The following CTNNA2 variants were observed in gnomAD, a reference collection of about 807,000 sequenced individuals.
CTNNA2 encodes catenin alpha-2.
A neutral mutation model predicts 101.0 loss-of-function variants in CTNNA2; 42 were observed. The observed-to-expected ratio is 0.42, with a 90% CI of 0.32 to 0.54. CTNNA2 has a LOEUF of 0.54. Ranked by LOEUF, CTNNA2 falls within the 20% of genes least tolerant of loss-of-function variation. The pLI is 0.14. For synonymous variants in CTNNA2, 450 were observed against 456.4 expected, an observed-to-expected ratio of 0.99 and a Z score of 0.18; for missense variants, 871 against 1,223.1, an observed-to-expected ratio of 0.71 and a Z score of 4.29.
chr2:80,232,341 G>GTTTTTGTTTGTT (rs1286822049), intron 7 of CTNNA2, among the ~76,000 whole-genome samples: 1 of 82,062 alleles, frequency 1.2e-5, no homozygotes, highest in Non-Finnish European at 2.9e-5. Flanking sequence ...TTGTTTGTTT[G>GTTTTTGTTTGTT]TTTGTTTTTT....
intron 1 of CTNNA2, among the ~76,000 whole-genome samples, chr2:79,590,447 G>A (rs1371768312): frequency 6.6e-6 from 1 of 152,148 alleles, no homozygotes; most frequent in East Asian, 1.9e-4. Context: ...TACTTTCTAA[G>A]TAATGGGGAG....
At chr2:80,030,198 A>G (rs1695197540) in intron 7 of CTNNA2, among the ~76,000 whole-genome samples, 1 of 151,826 alleles carries the variant, frequency 6.6e-6, no homozygotes, top group Non-Finnish European at 1.5e-5. Flanking sequence ...TTTCATCCAA[A>G]CACAGACACA....
At chr2:80,177,435 A>G (rs1705465728) in intron 7 of CTNNA2, among the ~76,000 whole-genome samples, 1 of 152,136 alleles carries the variant, frequency 6.6e-6, no homozygotes, top group African/African-American at 2.4e-5. Flanking sequence ...TGCCATATTG[A>G]GGGCTCAGTG....
chr2:80,071,355 C>T (rs544135450), intron 7 of CTNNA2, among the ~76,000 whole-genome samples: 8 of 152,270 alleles, frequency 5.3e-5, no homozygotes, highest in South Asian at 2.1e-4. Flanking sequence ...TGTAGCATCC[C>T]GCTCTGTTGA....
chr2:80,641,453 C>T (rs1489230522), intron 18 of CTNNA2, among the ~76,000 whole-genome samples: 2 of 152,134 alleles, frequency 1.3e-5, no homozygotes, highest in Admixed American at 1.3e-4. Context: ...TCAGAACACA[C>T]AGTCAAATCC....
intron 6 of CTNNA2, among the ~76,000 whole-genome samples, chr2:79,885,201 G>A (rs529357035): frequency 6.6e-6 from 1 of 152,104 alleles, no homozygotes; most frequent in Non-Finnish European, 1.5e-5. Flanking sequence ...AGTGGAGAAC[G>A]AAACGCTGTA....
intron 7 of CTNNA2, among the ~76,000 whole-genome samples, chr2:79,927,905 A>G (rs1309634519): frequency 6.6e-6 from 1 of 152,138 alleles, no homozygotes; most frequent in African/African-American, 2.4e-5. Context: ...GGCCTAGTGG[A>G]CAGGCCAGTA....
intron 7 of CTNNA2, among the ~76,000 whole-genome samples, chr2:80,297,273 A>G (rs1675830072): frequency 6.6e-6 from 1 of 152,158 alleles, no homozygotes; most frequent in Non-Finnish European, 1.5e-5. Flanking sequence ...GAATAAAGAA[A>G]CAGTGTGTAG....
chr2:79,259,127 T>A (rs1674887955), intron 2 of CTNNA2, among the ~76,000 whole-genome samples: 1 of 152,080 alleles, frequency 6.6e-6, no homozygotes, highest in Non-Finnish European at 1.5e-5. Flanking sequence ...ATCAGCTATA[T>A]CAGGGAGCCC....
rs369320825 is a variant in CTNNA2, at chr2:79,290,615, G to A, written c.-405-22094G>A. The stretch of plus-strand genomic sequence containing the variant: ...AAGAACACACAAGCGGCTGGACATC[G>A]AGAGGAATGCACTAGTTTAAGAGTA... On this transcript the variant is annotated intron_variant, in intron 2 of 21. Transcript: ENST00000466387. Among the ~76,000 whole-genome samples the A allele has an allele frequency of 9.9e-5, 15 of 152,174 alleles. No homozygotes were observed. The East Asian group carries it at 1.4e-3, about 14-fold the overall frequency.
chr2:79,932,151 A>G (rs1263329603), intron 7 of CTNNA2, among the ~76,000 whole-genome samples: 1 of 152,110 alleles, frequency 6.6e-6, no homozygotes, highest in Non-Finnish European at 1.5e-5. Flanking sequence ...TTACTGTTGT[A>G]CACCCAGACT....
intron 3 of CTNNA2, among the ~76,000 whole-genome samples, chr2:79,325,984 C>T (rs1268247844): frequency 6.6e-6 from 1 of 152,136 alleles, no homozygotes; most frequent in Non-Finnish European, 1.5e-5. Context: ...GGTTTAGAGT[C>T]AGTGTATGCC....
At chr2:80,177,979 G>A (rs1163409128) in intron 7 of CTNNA2, among the ~76,000 whole-genome samples, 1 of 152,198 alleles carries the variant, frequency 6.6e-6, no homozygotes, top group South Asian at 2.1e-4. Flanking sequence ...CCCTAGAAAG[G>A]GGCTGTAGTG....
At chr2:80,579,115 C>G (rs772904614) in intron 13 of CTNNA2, 1 of 152,146 alleles carries the variant, frequency 6.6e-6, no homozygotes. Flanking sequence ...AGACATATAG[C>G]TTGTGAATGG....
chr2:80,260,340 T>G, intron 7 of CTNNA2, among the ~76,000 whole-genome samples: 1 of 152,208 alleles, frequency 6.6e-6, no homozygotes, highest in East Asian at 1.9e-4. Context: ...TTTGTAGAAG[T>G]TGCTCATGGA....
chr2:80,457,272 A>G (rs1024574121), intron 9 of CTNNA2, among the ~76,000 whole-genome samples: 53 of 151,936 alleles, frequency 3.5e-4, no homozygotes, highest in African/African-American at 1.2e-3. Context: ...CCGTGTTGGC[A>G]AGGCTGGTTT....
At chr2:79,311,408 C>CAAAAAGAAAAAA (rs1676368400) in intron 2 of CTNNA2, among the ~76,000 whole-genome samples, 1 of 67,060 alleles carries the variant, frequency 1.5e-5, no homozygotes, top group African/African-American at 5.3e-5. Flanking sequence ...GACTCCGTCT[C>CAAAAAGAAAAAA]AAAAAAAAAA....
chr2:79,201,564 A>T (rs1040464855), intron 2 of CTNNA2, among the ~76,000 whole-genome samples: 4 of 152,148 alleles, frequency 2.6e-5, no homozygotes, highest in African/African-American at 9.7e-5. Flanking sequence ...TTCCAACAAG[A>T]GTTGGAAATA....
intron 7 of CTNNA2, among the ~76,000 whole-genome samples, chr2:79,982,339 C>G (rs1403405991): frequency 1.6e-5 from 2 of 121,334 alleles, no homozygotes; most frequent in Admixed American, 1.7e-4. Flanking sequence ...ACATATAAAA[C>G]ATATATAACC....
Sources: allele counts gnomAD v4.1 joint callset (sites outside exome capture counted in the v4.1 genomes callset), GRCh38; gene constraint gnomAD v4.1.1; transcripts MANE v1.5; gene names NCBI Gene and HGNC (gene_info 2026-07-23, HGNC 2026-07-21).